The following SP140 variants were observed in gnomAD, a reference collection of about 807,000 sequenced individuals.
The protein encoded by SP140 is nuclear body protein SP140.
A neutral mutation model predicts 125.0 loss-of-function variants in SP140; 81 were observed. The ratio of observed to expected loss-of-function variants is 0.65; its 90% CI spans 0.54 to 0.78. The LOEUF is 0.78. Ranked by LOEUF, SP140 falls within the 30% of genes least tolerant of loss-of-function variation. SP140 has a pLI of 0.00. For synonymous variants in SP140, 312 were observed against 354.0 expected, an observed-to-expected ratio of 0.88 and a Z score of 1.33; for missense variants, 858 against 1,037.0, an observed-to-expected ratio of 0.83 and a Z score of 2.37.
the SP140 span, among the ~76,000 whole-genome samples, chr2:230,188,770 A>C: frequency 2.0e-5 from 3 of 152,106 alleles, no homozygotes; most frequent in African/African-American, 7.2e-5. Flanking sequence ...TGTTTTTGTG[A>C]TGTACCACAT....
intron 9 of SP140, 54 bp from the exon 10 acceptor site, chr2:230,250,927 C>A: frequency 1.3e-6 from 2 of 1,598,464 alleles, no homozygotes; most frequent in South Asian, 1.1e-5. Flanking sequence ...CTTCCCACGT[C>A]TTCACTAAGT....
chr2:230,214,241 C>G (rs927829760), intron 3 of SP140: 1 of 152,286 alleles, frequency 6.6e-6, no homozygotes, highest in East Asian at 1.9e-4. Context: ...ATGATCCATT[C>G]TTTCTCAGAC....
At chr2:230,242,446 T>C (rs2048854997) in intron 4 of SP140, among the ~76,000 whole-genome samples, 2 of 152,314 alleles carry the variant, frequency 1.3e-5, no homozygotes, top group South Asian at 4.1e-4. Flanking sequence ...CAGATTTCAA[T>C]AGATCTCTCC....
chr2:230,253,464 C>G, intron 11 of SP140, 47 bp downstream of exon 11: 2 of 1,445,842 alleles, frequency 1.4e-6, no homozygotes, highest in Admixed American at 1.7e-5. Context: ...TCTTTGTTTT[C>G]CAGTTGGCAT....
the SP140 span, among the ~76,000 whole-genome samples, chr2:230,195,876 G>T: frequency 2.0e-5 from 3 of 151,830 alleles, no homozygotes; most frequent in Admixed American, 6.6e-5. Context: ...GCATATAGAA[G>T]GTTAATATCC....
Position 230,217,690 on chromosome 2 carries a change from G to C in SP140, c.-91+3616G>C, listed in dbSNP as rs534378544. ...TGCCCCAGGGTTGCACAACTAGAGAGTGGAAGAGCTGGGAGCAAATCCTGA... is the reference window on the plus strand; with the variant it reads ...TGCCCCAGGGTTGCACAACTAGAGACTGGAAGAGCTGGGAGCAAATCCTGA... On this transcript the variant is annotated intron_variant, in intron 3 of 4. Coordinates refer to the SP140 transcript ENST00000456542. Among the ~76,000 whole-genome samples, 52 of 152,312 alleles carry C rather than the reference G, an allele frequency of 3.4e-4. 1 individual carries two copies. The South Asian group carries it at 0.01, about 30-fold the overall frequency.
chr2:230,229,997 GT>G (rs879488147), intron 1 of SP140, among the ~76,000 whole-genome samples: 2 of 151,854 alleles, frequency 1.3e-5, no homozygotes, highest in Non-Finnish European at 2.9e-5. Flanking sequence ...GTATTCTGCA[GT>G]TTGAATATAA....
At chr2:230,294,348 T>C (rs915308072) in intron 21 of SP140, 30 bp downstream of exon 21, 3 of 1,536,020 alleles carry the variant, frequency 2.0e-6, no homozygotes, top group South Asian at 1.1e-5. Context: ...ATACAGCTTC[T>C]TGTCACATAA....
chr2:230,300,766 G>A (rs1054292865), intron 22 of SP140, among the ~76,000 whole-genome samples: 3 of 152,136 alleles, frequency 2.0e-5, no homozygotes, highest in East Asian at 1.9e-4. Context: ...AAAAGATCAC[G>A]TTAGCTCACC....
At chr2:230,274,441 A>T (rs2054406450) in intron 15 of SP140, among the ~76,000 whole-genome samples, 1 of 152,158 alleles carries the variant, frequency 6.6e-6, no homozygotes. Context: ...ATAGAGCTGG[A>T]TGTGGAGATG....
chr2:230,293,597 A>G (rs921730388), intron 20 of SP140, among the ~76,000 whole-genome samples: 1 of 152,106 alleles, frequency 6.6e-6, no homozygotes, highest in African/African-American at 2.4e-5. Flanking sequence ...CGGCCTCCCA[A>G]AATGCTGGGG....
chr2:230,201,255 G>C (rs941657900), upstream of SP140, among the ~76,000 whole-genome samples: 1 of 152,208 alleles, frequency 6.6e-6, no homozygotes, highest in African/African-American at 2.4e-5. Flanking sequence ...CTCAAAGTAA[G>C]GTCTGTGAGC....
chr2:230,305,090 G>A (rs1389291667), intron 22 of SP140, among the ~76,000 whole-genome samples: 1 of 152,152 alleles, frequency 6.6e-6, no homozygotes, highest in Non-Finnish European at 1.5e-5. Context: ...CAAAAAGTGG[G>A]CTAAGGACAT....
intron 26 of SP140, 50 bp from the exon 27 acceptor site, chr2:230,312,536 C>A (rs543738695): frequency 2.4e-6 from 3 of 1,259,832 alleles, no homozygotes; most frequent in African/African-American, 1.5e-5. Flanking sequence ...AAAGGTGTCT[C>A]ATGACGCTAA....
chr2:230,301,117 A>G (rs1259719711), intron 22 of SP140, among the ~76,000 whole-genome samples: 2 of 152,222 alleles, frequency 1.3e-5, no homozygotes. Flanking sequence ...ACTTTTTAAA[A>G]ATGAACAAAG....
intron 12 of SP140, among the ~76,000 whole-genome samples, chr2:230,258,023 G>A (rs570146476): frequency 6.6e-6 from 1 of 152,200 alleles, no homozygotes; most frequent in East Asian, 1.9e-4. Context: ...GAAGTCAATG[G>A]TTGGCTGGCT....
chr2:230,267,109 ATTTATC>A (rs1238231292), intron 12 of SP140, among the ~76,000 whole-genome samples: 1 of 152,218 alleles, frequency 6.6e-6, no homozygotes, highest in Non-Finnish European at 1.5e-5. Context: ...AGCAAATAAT[ATTTATC>A]TTTATCAAGT....
At chr2:230,289,671 C>T (rs771173038) in intron 18 of SP140, among the ~76,000 whole-genome samples, 4 of 152,154 alleles carry the variant, frequency 2.6e-5, no homozygotes, top group African/African-American at 4.8e-5. Context: ...GATGGAGTTT[C>T]GCCATGTTGG....
chr2:230,288,352 G>C (rs2056662455), intron 18 of SP140, among the ~76,000 whole-genome samples: 2 of 152,348 alleles, frequency 1.3e-5, no homozygotes, highest in South Asian at 2.1e-4. Context: ...AGAGATCTGT[G>C]TCCTAAGACT....
Sources: gnomAD v4.1 joint callset for allele counts (sites outside exome capture counted in the v4.1 genomes callset) on GRCh38, gnomAD v4.1.1 for gene constraint, MANE v1.5 for transcripts, NCBI Gene and HGNC (gene_info 2026-07-23, HGNC 2026-07-21) for gene names.